Variants in PPP1R13L observed in about 807,000 individuals in gnomAD.
PPP1R13L encodes the protein protein phosphatase 1 regulatory subunit 13 like, also known as relA-associated inhibitor.
A neutral mutation model predicts 80.9 loss-of-function variants in PPP1R13L; 50 were observed. The ratio of observed to expected loss-of-function variants is 0.62; its 90% CI spans 0.49 to 0.78. The LOEUF (loss-of-function observed/expected upper bound fraction) is 0.78. PPP1R13L is among the 30% of genes least tolerant of loss of function. The probability of loss-of-function intolerance (pLI) is 0.00; values close to 1 mark genes in which losing one functional copy is unlikely to be tolerated. For missense variants in PPP1R13L, 1,200 were observed against 1,205.9 expected (o/e 1.00, Z 0.07); for synonymous variants, 602 against 534.3 (o/e 1.13, Z -1.75).
intron 12 of PPP1R13L, 63 bp from the exon 13 acceptor site, chr19:45,380,291 C>G (rs370156785): frequency 8.8e-6 from 14 of 1,584,594 alleles, no homozygotes; most frequent in Non-Finnish European, 1.1e-5. Flanking sequence ...CATGCAAATC[C>G]GCTGCCTGTC....
chr19:45,383,770 T>G (rs867344075), intron 11 of PPP1R13L, among the ~76,000 whole-genome samples: 1 of 151,928 alleles, frequency 6.6e-6, no homozygotes, highest in South Asian at 2.1e-4. Context: ...TTTCTTTTCT[T>G]TTCTTTTTGG....
chr19:45,386,076 C>A lies in PPP1R13L; in HGVS notation c.1920G>T (p.Leu640=). The A allele has an allele frequency of 1.3e-6, 2 of 1,583,406 alleles. No individual in the cohort carries two copies. Among genetic ancestry groups the A allele is most frequent in the East Asian group, 4.6e-5 (2 of 43,738 alleles). ...LLLDAALTGE[L]EVVQQAVKEM... Reference sequence around the variant, plus strand: ...CCTTCACCGCCTGCTGCACCACCTCCAGCTCCCCGGTCAGCGCCGCGTCCA... The same window carrying A: ...CCTTCACCGCCTGCTGCACCACCTCAAGCTCCCCGGTCAGCGCCGCGTCCA... Residue 640 remains leucine (L), a synonymous_variant, in exon 9 of 13, where the codon CTG becomes CTT. Transcript: ENST00000360957.
At chr19:45,404,032 G>A (rs962855001) in intron 1 of PPP1R13L, among the ~76,000 whole-genome samples, 1 of 152,102 alleles carries the variant, frequency 6.6e-6, no homozygotes, top group African/African-American at 2.4e-5. Flanking sequence ...GGAGCCCTGA[G>A]GCAGAAGGTT....
At chr19:45,382,790 G>A (rs1972790249) in intron 11 of PPP1R13L, 64 bp from the exon 12 acceptor site, 2 of 1,519,468 alleles carry the variant, frequency 1.3e-6, no homozygotes, top group East Asian at 2.3e-5. Flanking sequence ...CAGGGGCCAC[G>A]TGGGGTCCAG....
intron 3 of PPP1R13L, among the ~76,000 whole-genome samples, chr19:45,397,459 G>GCTATCT: frequency 3.7e-5 from 1 of 27,286 alleles, no homozygotes; most frequent in Admixed American, 7.2e-4. Flanking sequence ...CTGCTTGCTT[G>GCTATCT]CTTTCTCTCT....
chr19:45,384,788 G>A (rs1371659674), intron 11 of PPP1R13L, among the ~76,000 whole-genome samples: 3 of 149,564 alleles, frequency 2.0e-5, no homozygotes, highest in East Asian at 2.0e-4. Flanking sequence ...AGGAGGTGGA[G>A]GTTGCAGTGA....
chr19:45,384,011 C>T (rs1972817965), intron 11 of PPP1R13L, among the ~76,000 whole-genome samples: 1 of 151,910 alleles, frequency 6.6e-6, no homozygotes, highest in Non-Finnish European at 1.5e-5. Flanking sequence ...GCAATCCGCC[C>T]GCCTCGAGCC....
rs1043888246 is a variant in PPP1R13L, at chr19:45,392,089, G to A, written c.1606C>T (p.Pro536Ser). The change falls in exon 8 of 13, where the codon CCC (proline) becomes TCC (serine). Residue 536 changes from proline to serine, a missense_variant. Pro to Ser is a moderately conservative substitution (Grantham distance 74). Transcript: ENST00000360957. The part of the protein sequence containing the change: ...SMEQAPAVAL[P>S]PTHKKQYQQI... ...TGGTACTGTTTCTTGTGGGTAGGGG[G>A]CAGGGCCACAGCAGGGGCCTGCTCC... 5.8e-6 allele frequency: 9 copies of A among 1,542,920 alleles called. No individual in the cohort carries two copies. The highest frequency in any genetic ancestry group is 4.5e-5 in the East Asian group (2 of 44,252).
chr19:45,399,085 A>T (rs1250927150), intron 1 of PPP1R13L, among the ~76,000 whole-genome samples: 1 of 151,754 alleles, frequency 6.6e-6, no homozygotes, highest in East Asian at 2.0e-4. Flanking sequence ...CTGGGACTAC[A>T]GGCGCCTGCC....
At chr19:45,382,951 C>T (rs1343873729) in intron 11 of PPP1R13L, among the ~76,000 whole-genome samples, 1 of 151,844 alleles carries the variant, frequency 6.6e-6, no homozygotes, top group Non-Finnish European at 1.5e-5. Context: ...GCCAGTGGGC[C>T]ACCCACTCCC....
chr19:45,406,259 A>C, upstream of PPP1R13L: 2 of 998,084 alleles, frequency 2.0e-6, no homozygotes, highest in Non-Finnish European at 2.4e-6. This position sits in a 1 kb window ranked among gnomAD's most constrained non-coding sequence, Gnocchi z 4.2. Flanking sequence ...CATTTAACAC[A>C]GAAAGCACAG....
chr19:45,385,742 TG>T lies in PPP1R13L; in HGVS notation c.2082-15del. On this transcript the variant is annotated splice_polypyrimidine_tract_variant and intron_variant, in intron 10 of 12. Transcript: ENST00000360957. ...TGCAAGGGTGTCCTAGGCGTGGGGG[TG>T]GGGGGTTGCGGGGAACGATGCGTGA... 1.3e-6 allele frequency: 2 copies of T among 1,590,544 alleles called. No homozygotes were observed. Among genetic ancestry groups the T allele is most frequent in the Non-Finnish European group, 8.6e-7 (1 of 1,166,078 alleles).
At chr19:45,405,968 G>C (rs1234687634), upstream of PPP1R13L, among the ~76,000 whole-genome samples, 1 of 152,164 alleles carries the variant, frequency 6.6e-6, no homozygotes, top group African/African-American at 2.4e-5. Flanking sequence ...GGTTTCCCAC[G>C]CATGAGACTA....
intron 12 of PPP1R13L, among the ~76,000 whole-genome samples, chr19:45,381,797 G>A (rs936248410): frequency 6.0e-5 from 9 of 150,322 alleles, no homozygotes; most frequent in Admixed American, 6.0e-4. Context: ...AAAATTAGCC[G>A]TGCGTGGTGG....
Position 45,396,510 on chromosome 19 carries a change from G to A in PPP1R13L, c.712+35C>T, listed in dbSNP as rs748333714. The stretch of plus-strand genomic sequence containing the variant: ...CGGATCCTGCCCGCTTTGACCCCGC[G>A]AGTCAAAGGCCCCGCGAGGGGCCCC... On this transcript the variant is annotated intron_variant, in intron 4 of 12. Transcript: ENST00000360957. The surrounding 1 kb of genome is among the most constrained non-coding windows in gnomAD (Gnocchi z 5.3). The A allele has an allele frequency of 2.5e-6, 4 of 1,602,512 alleles. No individual in the cohort carries two copies. Among genetic ancestry groups the A allele is most frequent in the South Asian group, 2.2e-5 (2 of 90,590 alleles).
At chr19:45,387,517 T>C (rs1972891951) in intron 8 of PPP1R13L, among the ~76,000 whole-genome samples, 1 of 152,196 alleles carries the variant, frequency 6.6e-6, no homozygotes, top group Admixed American at 6.5e-5. Context: ...AAAGATTCTA[T>C]GATGGAGAAC....
At chr19:45,387,090 G>A (rs748533170) in intron 8 of PPP1R13L, among the ~76,000 whole-genome samples, 15 of 151,780 alleles carry the variant, frequency 9.9e-5, no homozygotes, top group Non-Finnish European at 1.9e-4. Flanking sequence ...GCAATATAGT[G>A]AGACCCAGTC....
rs769978756 is a variant in PPP1R13L at position 45,385,818 on chromosome 19, G to A, written c.2081+6C>T. 59 of 1,610,164 alleles carry A rather than the reference G, an allele frequency of 3.7e-5. No individual in the cohort carries two copies. The highest frequency in any genetic ancestry group is 1.0e-5 in the Non-Finnish European group (12 of 1,178,880). Reference sequence around the variant, plus strand: ...GACCCAGCCCACCGCGCGGGTCGGGGCTCACCAGCCGTGGCTGTCGGGGGA... The same window carrying A: ...GACCCAGCCCACCGCGCGGGTCGGGACTCACCAGCCGTGGCTGTCGGGGGA... On this transcript the variant is annotated splice_donor_region_variant and intron_variant, in intron 10 of 12. Coordinates refer to ENST00000360957, the MANE Select transcript of PPP1R13L (RefSeq NM_006663.4).
At chr19:45,401,309 C>G (rs1466367715) in intron 1 of PPP1R13L, among the ~76,000 whole-genome samples, 1 of 149,038 alleles carries the variant, frequency 6.7e-6, no homozygotes, top group Non-Finnish European at 1.5e-5. Flanking sequence ...GAGCCGAGAT[C>G]GCGCCACTGC....
Sources: allele counts gnomAD v4.1 joint callset (sites outside exome capture counted in the v4.1 genomes callset), GRCh38; gene constraint gnomAD v4.1.1; non-coding constraint Gnocchi (gnomAD v3.1); transcripts MANE v1.5; gene names NCBI Gene and HGNC (gene_info 2026-07-23, HGNC 2026-07-21).